Variants in RORA observed in about 807,000 individuals in gnomAD.
RORA encodes the protein nuclear receptor ROR-alpha.
A neutral mutation model predicts 69.5 loss-of-function variants in RORA; 7 were observed. The observed-to-expected ratio is 0.10, with a 90% CI of 0.06 to 0.19. RORA has a LOEUF of 0.19. Ranked by LOEUF, RORA falls within the 10% of genes least tolerant of loss-of-function variation. The probability of loss-of-function intolerance (pLI) is 1.00; values close to 1 mark genes in which losing one functional copy is unlikely to be tolerated. For synonymous variants in RORA, 261 were observed against 240.8 expected (o/e 1.08, Z -0.78); for missense variants, 457 against 663.0 (o/e 0.69, Z 3.41).
intron 1 of RORA, among the ~76,000 whole-genome samples, chr15:61,062,441 G>C (rs903241547): frequency 6.6e-6 from 1 of 152,144 alleles, no homozygotes; most frequent in African/African-American, 2.4e-5. Flanking sequence ...GAGCAGAGCA[G>C]AGCCGGACGC....
intron 1 of RORA, among the ~76,000 whole-genome samples, chr15:60,814,128 T>C (rs2072778639): frequency 6.6e-6 from 1 of 152,218 alleles, no homozygotes; most frequent in Admixed American, 6.5e-5. Flanking sequence ...TAACTTTTTA[T>C]ATGGCTTCCA....
At chr15:60,954,515 G>A (rs1461135398) in intron 1 of RORA, among the ~76,000 whole-genome samples, 1 of 151,826 alleles carries the variant, frequency 6.6e-6, no homozygotes, top group Non-Finnish European at 1.5e-5. Flanking sequence ...GAAAGCAATT[G>A]TCTTATGGAG....
chr15:61,167,372 A>AT (rs1388977683), intron 1 of RORA, among the ~76,000 whole-genome samples: 1 of 152,182 alleles, frequency 6.6e-6, no homozygotes, highest in Non-Finnish European at 1.5e-5. Context: ...TACTTAAAGA[A>AT]TGTGTCCACA....
At chr15:60,939,795 C>G (rs977458017) in intron 1 of RORA, among the ~76,000 whole-genome samples, 10 of 152,346 alleles carry the variant, frequency 6.6e-5, no homozygotes, top group South Asian at 2.1e-4. Flanking sequence ...ATGCACGGGA[C>G]AGTGCCGTTC....
chr15:60,878,017 G>T (rs1244834276), intron 1 of RORA, among the ~76,000 whole-genome samples: 1 of 151,886 alleles, frequency 6.6e-6, no homozygotes. Flanking sequence ...GAAGAATAAG[G>T]TGTGGAGCCT....
chr15:60,831,246 T>C (rs1381023670), intron 1 of RORA, among the ~76,000 whole-genome samples: 3 of 152,216 alleles, frequency 2.0e-5, no homozygotes, highest in Admixed American at 6.5e-5. Context: ...ACAGGGTCTA[T>C]TGAAACTTCT....
At chr15:60,895,426 G>A (rs1318210559) in intron 1 of RORA, among the ~76,000 whole-genome samples, 1 of 152,172 alleles carries the variant, frequency 6.6e-6, no homozygotes, top group Non-Finnish European at 1.5e-5. Flanking sequence ...CTCCTATAAA[G>A]GCTCTGTCAA....
intron 1 of RORA, among the ~76,000 whole-genome samples, chr15:60,843,790 C>T (rs910788918): frequency 2.0e-5 from 3 of 152,124 alleles, no homozygotes; most frequent in Non-Finnish European, 2.9e-5. Context: ...TGGCAAGGTC[C>T]GTGAATGTCT....
intron 1 of RORA, among the ~76,000 whole-genome samples, chr15:60,748,932 G>A (rs915979006): frequency 1.3e-5 from 2 of 152,098 alleles, no homozygotes; most frequent in African/African-American, 4.8e-5. Flanking sequence ...GAGTTTCCCG[G>A]TTACCTTAAT....
chr15:60,649,804 C>A (rs750823382), intron 2 of RORA, among the ~76,000 whole-genome samples: 1 of 152,042 alleles, frequency 6.6e-6, no homozygotes, highest in Non-Finnish European at 1.5e-5. Flanking sequence ...ACCAATAGAC[C>A]CCTCAAAAAG....
In RORA at chr15:60,932,327, G is replaced by A. The variant is rs35751582; in HGVS notation, c.167-253641C>T. ...GTCTTGTAAACTCAGCCACGATTAG[G>A]GCTGGGTCATTCTGGACCGTCCTAA... On this transcript the variant is annotated intron_variant, in intron 1 of 10. Transcript: ENST00000335670. Among the ~76,000 whole-genome samples the A allele has an allele frequency of 6.0e-3, 907 of 152,160 alleles. 15 individuals are homozygous for A. Among genetic ancestry groups the A allele is most frequent in the African/African-American group, 0.021 (857 of 41,500 alleles).
intron 1 of RORA, among the ~76,000 whole-genome samples, chr15:60,995,250 T>C (rs374361606): frequency 5.9e-5 from 9 of 152,084 alleles, no homozygotes; most frequent in African/African-American, 1.9e-4. Flanking sequence ...CCCTGACAAA[T>C]GTGGAAAAAT....
At chr15:60,886,336 G>A (rs1282575567) in intron 1 of RORA, among the ~76,000 whole-genome samples, 3 of 152,234 alleles carry the variant, frequency 2.0e-5, no homozygotes, top group South Asian at 2.1e-4. Context: ...AGCAGGTGGG[G>A]GCCCCTGGAT....
At chr15:60,716,374 G>A (rs1382107726) in intron 1 of RORA, among the ~76,000 whole-genome samples, 1 of 152,186 alleles carries the variant, frequency 6.6e-6, no homozygotes, top group African/African-American at 2.4e-5. Flanking sequence ...TGCACTTGCA[G>A]TTGCAAACCT....
intron 2 of RORA, among the ~76,000 whole-genome samples, chr15:60,535,756 C>A (rs1391401534): frequency 6.6e-6 from 1 of 152,064 alleles, no homozygotes; most frequent in Non-Finnish European, 1.5e-5. Context: ...GAGTAGTGAT[C>A]TCTCAATAAT....
intron 1 of RORA, among the ~76,000 whole-genome samples, chr15:60,902,918 A>T (rs1415513387): frequency 6.6e-6 from 1 of 152,202 alleles, no homozygotes; most frequent in African/African-American, 2.4e-5. Context: ...AAGATTTATA[A>T]ATGCTCACGT....
chr15:60,880,372 G>A (rs556571517), intron 1 of RORA, among the ~76,000 whole-genome samples: 26 of 152,328 alleles, frequency 1.7e-4, no homozygotes, highest in Admixed American at 1.3e-3. Flanking sequence ...CAGGCACGGT[G>A]GCTCATGCCT....
chr15:61,054,284 A>C (rs2078058804), intron 1 of RORA, among the ~76,000 whole-genome samples: 1 of 151,346 alleles, frequency 6.6e-6, no homozygotes, highest in Non-Finnish European at 1.5e-5. Flanking sequence ...TAAGATGGGA[A>C]ACTAAACATT....
intron 1 of RORA, among the ~76,000 whole-genome samples, chr15:60,782,680 C>G (rs573771219): frequency 6.6e-6 from 1 of 152,292 alleles, no homozygotes; most frequent in Admixed American, 6.5e-5. Flanking sequence ...AAGACAACCC[C>G]TCTCTCAAAT....
Sources: gnomAD v4.1 joint callset for allele counts (sites outside exome capture counted in the v4.1 genomes callset) on GRCh38, gnomAD v4.1.1 for gene constraint, MANE v1.5 for transcripts, NCBI Gene and HGNC (gene_info 2026-07-23, HGNC 2026-07-21) for gene names.